JPH3: variants seen among roughly 807,000 people sequenced by gnomAD.
JPH3 encodes junctophilin-3.
A neutral mutation model predicts 59.6 loss-of-function variants in JPH3; 11 were observed. The ratio of observed to expected loss-of-function variants is 0.18; its 90% CI spans 0.12 to 0.31. The LOEUF is 0.31. Ranked by LOEUF, JPH3 falls within the 10% of genes least tolerant of loss-of-function variation. The pLI is 1.00. For synonymous variants in JPH3, 673 were observed against 483.6 expected, an observed-to-expected ratio of 1.39 and a Z score of -5.14; for missense variants, 1,202 against 1,105.7, an observed-to-expected ratio of 1.09 and a Z score of -1.24.
chr16:87,642,397 C>A (rs936373021), intron 1 of JPH3, among the ~76,000 whole-genome samples: 4 of 152,160 alleles, frequency 2.6e-5, no homozygotes, highest in African/African-American at 9.7e-5. Context: ...AAAGAGAGGT[C>A]GGGGTGGCCA....
chr16:87,695,212 C>T, intron 4 of JPH3: 1 of 422,726 alleles, frequency 2.4e-6, no homozygotes, highest in East Asian at 7.1e-5. Flanking sequence ...CAGGCCTGAG[C>T]AGCCCTCACC....
intron 3 of JPH3, among the ~76,000 whole-genome samples, chr16:87,688,076 G>C (rs369978698): frequency 2.6e-5 from 4 of 152,196 alleles, no homozygotes; most frequent in African/African-American, 9.6e-5. Context: ...TGTCAGCACA[G>C]TTCTACACAG....
chr16:87,623,494 T>G (rs2031263957), intron 1 of JPH3, among the ~76,000 whole-genome samples: 1 of 152,208 alleles, frequency 6.6e-6, no homozygotes, highest in South Asian at 2.1e-4. Context: ...CCAGTACCAC[T>G]GTGGGCTTGA....
intron 1 of JPH3, among the ~76,000 whole-genome samples, chr16:87,624,384 G>A (rs930235957): frequency 6.6e-6 from 1 of 152,184 alleles, no homozygotes; most frequent in Admixed American, 6.5e-5. Flanking sequence ...TGCTGCTCCT[G>A]ACGTTTCGCA....
At chr16:87,642,546 C>T (rs1400999436) in intron 1 of JPH3, among the ~76,000 whole-genome samples, 1 of 152,252 alleles carries the variant, frequency 6.6e-6, no homozygotes, top group South Asian at 2.1e-4. Context: ...TAAGTCTCGG[C>T]CTCCAGGCCT....
chr16:87,632,371 C>T (rs1373365237), intron 1 of JPH3, among the ~76,000 whole-genome samples: 1 of 152,216 alleles, frequency 6.6e-6, no homozygotes, highest in Non-Finnish European at 1.5e-5. Flanking sequence ...CTGGGTTCTG[C>T]AGAAGGAGAG....
At chr16:87,672,603 C>A (rs1342330541) in intron 2 of JPH3, among the ~76,000 whole-genome samples, 1 of 152,238 alleles carries the variant, frequency 6.6e-6, no homozygotes, top group Non-Finnish European at 1.5e-5. Context: ...ATTCGTAATG[C>A]TGGCATTGAC....
At chr16:87,676,900 G>A (rs182097791) in intron 2 of JPH3, among the ~76,000 whole-genome samples, 2 of 151,876 alleles carry the variant, frequency 1.3e-5, no homozygotes, top group Non-Finnish European at 2.9e-5. Flanking sequence ...GGCCAGGCGC[G>A]GTGGCGCACG....
intron 2 of JPH3, among the ~76,000 whole-genome samples, chr16:87,677,195 C>CTATAT (rs2033166981): frequency 8.6e-6 from 1 of 115,866 alleles, no homozygotes; most frequent in African/African-American, 3.8e-5. Context: ...TACACACACA[C>CTATAT]ACACACACAC....
At position 87,695,366 on chromosome 16, in the gene JPH3, G is replaced by C. The variant is rs377237530; in HGVS notation, c.2167-1214G>C. ...GGGGGAGGAGAGTAGCCATCCCTGA[G>C]GAATGTGCATCCTGGGACCTTCAGG... On this transcript the variant is annotated intron_variant, in intron 4 of 4. Transcript: ENST00000284262. 1.3e-4 allele frequency: 60 copies of C among 456,152 alleles called. No homozygotes were observed. In the East Asian group the frequency reaches 1.4e-3, roughly 11 times the overall value. The allele number at this position is 456,152 out of a possible 1,614,324, so 28.3% of individuals were successfully genotyped here.
rs984348025 is a variant in JPH3, at chr16:87,638,416, G to A, written c.383-5842G>A. 9.3e-4 allele frequency among the ~76,000 whole-genome samples: 141 copies of A among 152,180 alleles called. 1 individual carries two copies. Among genetic ancestry groups the A allele is most frequent in the African/African-American group, 3.4e-3 (139 of 41,434 alleles). On this transcript the variant is annotated intron_variant, in intron 1 of 4. Transcript: ENST00000284262. ...GCACAGGGTGGGGGTGCTGTTCATG[G>A]CCGGAACGCCAGAGGCTACTGGGGA...
intron 2 of JPH3, among the ~76,000 whole-genome samples, chr16:87,681,939 A>G (rs1479500674): frequency 6.6e-6 from 1 of 152,130 alleles, no homozygotes; most frequent in Non-Finnish European, 1.5e-5. Flanking sequence ...GTTTTGGGGC[A>G]TCGCAAATCC....
At chr16:87,690,833 CAGCTGCTCCA>C (rs1397972498) in intron 4 of JPH3, among the ~76,000 whole-genome samples, 3 of 152,258 alleles carry the variant, frequency 2.0e-5, no homozygotes, top group African/African-American at 7.2e-5. Flanking sequence ...TGCTCAACCC[CAGCTGCTCCA>C]AGAGTCTGTG....
intron 1 of JPH3, among the ~76,000 whole-genome samples, chr16:87,625,617 C>G (rs555093491): frequency 6.6e-6 from 1 of 152,146 alleles, no homozygotes; most frequent in Non-Finnish European, 1.5e-5. Flanking sequence ...TGTCTCACAG[C>G]GCAGACTGGG....
At chr16:87,677,319 T>C (rs1232172485) in intron 2 of JPH3, among the ~76,000 whole-genome samples, 1 of 148,902 alleles carries the variant, frequency 6.7e-6, no homozygotes, top group Non-Finnish European at 1.5e-5. Flanking sequence ...GGAGGCAGAG[T>C]TTGCAGTGAG....
rs778671355 is a variant in JPH3 at position 87,696,657 on chromosome 16, C to G, written c.2244C>G (p.Ile748Met). ...CCATTCTGTTTATTAACTTTTTCAT[C>G]TGATGAGATGTCGCGGTAGCAAAAA... is the stretch of plus-strand genomic sequence containing the variant. Reference protein sequence around the residue: ...GVAILFINFFI With the variant: ...GVAILFINFFM The change falls in exon 5 of 5, where the codon ATC (isoleucine) becomes ATG (methionine). Residue 748 changes from isoleucine to methionine, a missense_variant. Transcript: ENST00000284262. 2 of 1,611,824 alleles carry G rather than the reference C, an allele frequency of 1.2e-6. No individual in the cohort carries two copies. The highest frequency in any genetic ancestry group is 2.2e-5 in the South Asian group (2 of 91,040).
At chr16:87,657,428 G>A (rs907126730) in intron 2 of JPH3, among the ~76,000 whole-genome samples, 2 of 152,192 alleles carry the variant, frequency 1.3e-5, no homozygotes, top group Non-Finnish European at 1.5e-5. Context: ...CTTCATGGGT[G>A]TAGGGTTTCT....
chr16:87,673,274 T>A (rs557200589), intron 2 of JPH3, among the ~76,000 whole-genome samples: 33 of 151,684 alleles, frequency 2.2e-4, no homozygotes, highest in African/African-American at 7.5e-4. Flanking sequence ...AAATTAAAAC[T>A]ACAAGGAGAT....
chr16:87,642,176 A>C (rs982816831), intron 1 of JPH3, among the ~76,000 whole-genome samples: 2 of 150,862 alleles, frequency 1.3e-5, no homozygotes, highest in African/African-American at 4.9e-5. Flanking sequence ...CAGGACTTTG[A>C]ATTCCACACT....
Sources: allele counts gnomAD v4.1 joint callset (sites outside exome capture counted in the v4.1 genomes callset), GRCh38; gene constraint gnomAD v4.1.1; transcripts MANE v1.5; gene names NCBI Gene and HGNC (gene_info 2026-07-23, HGNC 2026-07-21).